ARHGAP15: variants seen among roughly 807,000 people sequenced by gnomAD.
The protein encoded by ARHGAP15 is Rho GTPase activating protein 15.
Under a neutral mutation model 63.7 loss-of-function variants are expected in ARHGAP15, and 51 were observed. That is an observed-to-expected ratio of 0.80 (90% confidence interval 0.64 to 1.01). The LOEUF is 1.01. Ranked by LOEUF, ARHGAP15 falls within the 50% of genes least tolerant of loss-of-function variation. ARHGAP15 has a pLI of 0.00. For missense variants in ARHGAP15, 560 were observed against 564.6 expected, an observed-to-expected ratio of 0.99 and a Z score of 0.08; for synonymous variants, 191 against 193.8, an observed-to-expected ratio of 0.99 and a Z score of 0.12.
chr2:143,423,873 C>T (rs1306764945), intron 6 of ARHGAP15, among the ~76,000 whole-genome samples: 1 of 151,852 alleles, frequency 6.6e-6, no homozygotes, highest in Non-Finnish European at 1.5e-5. Context: ...TATAGAAACA[C>T]AAAAATTTTA....
At chr2:143,458,732 A>G (rs986082130) in intron 8 of ARHGAP15, among the ~76,000 whole-genome samples, 1 of 152,164 alleles carries the variant, frequency 6.6e-6, no homozygotes, top group African/African-American at 2.4e-5. Context: ...CTAATGAACC[A>G]TTACATTTTG....
At chr2:143,637,039 C>G (rs1680351204) in intron 12 of ARHGAP15, among the ~76,000 whole-genome samples, 2 of 152,082 alleles carry the variant, frequency 1.3e-5, no homozygotes. Context: ...ATCTTTCCCT[C>G]TTTCTGTAAG....
At chr2:143,392,766 C>T (rs1232716894) in intron 6 of ARHGAP15, among the ~76,000 whole-genome samples, 1 of 152,020 alleles carries the variant, frequency 6.6e-6, no homozygotes, top group Non-Finnish European at 1.5e-5. Flanking sequence ...AAATTCTGTA[C>T]AGTACATATG....
At position 143,548,829 on chromosome 2, in the gene ARHGAP15, C is replaced by A. The variant is rs1048507206; in HGVS notation, c.926-7579C>A. ...TGTCTATGAAGCAAGCATTTCATAGCAGAAATATGAGGAAGGTAGAACAAA... is the reference window on the plus strand; with the variant it reads ...TGTCTATGAAGCAAGCATTTCATAGAAGAAATATGAGGAAGGTAGAACAAA... On this transcript the variant is annotated intron_variant, in intron 10 of 13. Coordinates refer to ENST00000295095, the MANE Select transcript of ARHGAP15 (RefSeq NM_018460.4). Among the ~76,000 whole-genome samples, 5 of 151,464 alleles carry A rather than the reference C, an allele frequency of 3.3e-5. No individual in the cohort carries two copies. In the East Asian group the frequency reaches 7.8e-4, roughly 24 times the overall value.
chr2:143,462,139 A>G (rs1690973368), intron 8 of ARHGAP15, among the ~76,000 whole-genome samples: 1 of 152,164 alleles, frequency 6.6e-6, no homozygotes, highest in African/African-American at 2.4e-5. Context: ...CAGCCTGGGC[A>G]ATAGAGCCAG....
chr2:143,446,711 C>G (rs1013027838), intron 8 of ARHGAP15, among the ~76,000 whole-genome samples: 4 of 151,752 alleles, frequency 2.6e-5, no homozygotes, highest in African/African-American at 7.3e-5. Context: ...ATGTGCCATG[C>G]TGGTGCGCTG....
intron 11 of ARHGAP15, among the ~76,000 whole-genome samples, chr2:143,610,048 G>T (rs1374543339): frequency 1.3e-5 from 2 of 152,042 alleles, no homozygotes; most frequent in African/African-American, 4.8e-5. Context: ...CCACAGTATG[G>T]TTCTTGCTTG....
intron 2 of ARHGAP15, among the ~76,000 whole-genome samples, chr2:143,165,597 T>G (rs1441539135): frequency 6.6e-6 from 1 of 152,082 alleles, no homozygotes; most frequent in Non-Finnish European, 1.5e-5. Context: ...AGAGCTGATA[T>G]TCTGTACTTA....
At chr2:143,169,613 C>T (rs1255106719) in intron 2 of ARHGAP15, among the ~76,000 whole-genome samples, 1 of 151,956 alleles carries the variant, frequency 6.6e-6, no homozygotes, top group East Asian at 1.9e-4. Flanking sequence ...TTCCCAAAGA[C>T]ACTAATGCCC....
At chr2:143,178,125 G>A (rs1408515585) in intron 2 of ARHGAP15, among the ~76,000 whole-genome samples, 1 of 152,160 alleles carries the variant, frequency 6.6e-6, no homozygotes, top group Admixed American at 6.6e-5. Flanking sequence ...CGAAGCCTCT[G>A]CTTTCTGAGT....
intron 6 of ARHGAP15, among the ~76,000 whole-genome samples, chr2:143,346,254 A>ACT (rs1558909885): frequency 2.2e-5 from 3 of 135,374 alleles, no homozygotes; most frequent in African/African-American, 7.9e-5. Flanking sequence ...ACACACTCAC[A>ACT]CACACACACA....
rs530516329 is a variant in ARHGAP15, at chr2:143,191,065, G to C, written c.166-11069G>C. Among the ~76,000 whole-genome samples the C allele has an allele frequency of 6.9e-4, 105 of 152,246 alleles. 1 individual carries two copies. Among genetic ancestry groups the C allele is most frequent in the African/African-American group, 2.5e-3 (105 of 41,536 alleles). On this transcript the variant is annotated intron_variant, in intron 2 of 13. Coordinates refer to ENST00000295095, the MANE Select transcript of ARHGAP15 (RefSeq NM_018460.4). Reference sequence around the variant, plus strand: ...ATTACAGGCGTGAGCCACCGCACCCGGCCCACCTATCTATATTATTATTTC... The same window carrying C: ...ATTACAGGCGTGAGCCACCGCACCCCGCCCACCTATCTATATTATTATTTC...
intron 12 of ARHGAP15, among the ~76,000 whole-genome samples, chr2:143,670,777 T>G (rs1682482989): frequency 6.6e-6 from 1 of 152,230 alleles, no homozygotes; most frequent in Non-Finnish European, 1.5e-5. Context: ...AAAACTGTGT[T>G]TTATATGTAA....
chr2:143,218,196 ACT>A (rs1329923713), intron 4 of ARHGAP15, among the ~76,000 whole-genome samples: 2 of 143,152 alleles, frequency 1.4e-5, no homozygotes, highest in South Asian at 2.2e-4. Context: ...ATTTGTTTGT[ACT>A]CTGTTTTATT....
rs55864815 is a variant in ARHGAP15 at position 143,447,577 on chromosome 2, A to G, written c.703+10535A>G. Among the ~76,000 whole-genome samples, 693 of 152,100 alleles carry G rather than the reference A, an allele frequency of 4.6e-3. 2 individuals are homozygous for G. The highest frequency in any genetic ancestry group is 0.015 in the African/African-American group (642 of 41,512). On this transcript the variant is annotated intron_variant, in intron 8 of 13. Transcript: ENST00000295095. ...TCAGTCATTAGCTTAAACCAGGACC[A>G]CTCTATTCCATTAGACTGCAAGTGC... is the stretch of plus-strand genomic sequence containing the variant.
chr2:143,178,121 C>T (rs1691080046), intron 2 of ARHGAP15, among the ~76,000 whole-genome samples: 1 of 152,128 alleles, frequency 6.6e-6, no homozygotes, highest in African/African-American at 2.4e-5. Context: ...CAAACGAAGC[C>T]TCTGCTTTCT....
At chr2:143,256,832 T>C (rs117137719) in intron 6 of ARHGAP15, among the ~76,000 whole-genome samples, 1 of 152,120 alleles carries the variant, frequency 6.6e-6, no homozygotes, top group East Asian at 1.9e-4. Context: ...AATGATAGAA[T>C]CTGGGGACAG....
intron 12 of ARHGAP15, among the ~76,000 whole-genome samples, chr2:143,658,380 A>G (rs1371594276): frequency 6.6e-6 from 1 of 152,220 alleles, no homozygotes; most frequent in Non-Finnish European, 1.5e-5. Context: ...CATTATGTTC[A>G]TATCTTGTAT....
At chr2:143,217,683 T>C (rs1692811860) in intron 4 of ARHGAP15, among the ~76,000 whole-genome samples, 1 of 152,194 alleles carries the variant, frequency 6.6e-6, no homozygotes, top group African/African-American at 2.4e-5. Context: ...TCCTTTCCCC[T>C]AAACCTTATC....
Sources: allele counts gnomAD v4.1 joint callset (sites outside exome capture counted in the v4.1 genomes callset), GRCh38; gene constraint gnomAD v4.1.1; transcripts MANE v1.5; gene names NCBI Gene and HGNC (gene_info 2026-07-23, HGNC 2026-07-21).